EPHA7: variants seen among roughly 807,000 people sequenced by gnomAD.
EPHA7 encodes the protein ephrin type-A receptor 7.
Under a neutral mutation model 112.6 loss-of-function variants are expected in EPHA7, and 25 were observed. That is an observed-to-expected ratio of 0.22 (90% CI 0.16 to 0.31). EPHA7 has a LOEUF of 0.31. Ranked by LOEUF, EPHA7 falls within the 10% of genes least tolerant of loss-of-function variation. The pLI is 1.00. For missense variants in EPHA7, 962 were observed against 1,212.6 expected (o/e 0.79, Z 3.07); for synonymous variants, 437 against 406.5 (o/e 1.07, Z -0.90).
chr6:93,337,364 T>C (rs1411350003), intron 5 of EPHA7, among the ~76,000 whole-genome samples: 1 of 152,190 alleles, frequency 6.6e-6, no homozygotes, highest in African/African-American at 2.4e-5. Flanking sequence ...TCTATTTTTA[T>C]TCTCTGGAAT....
At position 93,395,522 on chromosome 6, in the gene EPHA7, T is replaced by C. The variant is rs1582662125; in HGVS notation, c.832+14979A>G. 1.3e-5 allele frequency among the ~76,000 whole-genome samples: 2 copies of C among 151,646 alleles called. 1 individual carries two copies. The highest frequency in any genetic ancestry group is 4.8e-5 in the African/African-American group (2 of 41,420). ...TGTCAAAATGGTAAAACTGTGGTTA[T>C]TGTGAAAGTCAACTAAAAATATAAA... On this transcript the variant is annotated intron_variant, in intron 3 of 16. Transcript: ENST00000369303.
At chr6:93,374,077 C>T (rs1362458108) in intron 3 of EPHA7, among the ~76,000 whole-genome samples, 4 of 152,064 alleles carry the variant, frequency 2.6e-5, no homozygotes, top group African/African-American at 9.7e-5. Flanking sequence ...TGAAGTCGCA[C>T]TAGAGGTATT....
At chr6:93,375,632 A>T (rs78313836) in intron 3 of EPHA7, among the ~76,000 whole-genome samples, 1 of 142,360 alleles carries the variant, frequency 7.0e-6, no homozygotes, top group Non-Finnish European at 1.5e-5. Flanking sequence ...AGCCTGAATT[A>T]AAAAAAAAAA....
intron 3 of EPHA7, among the ~76,000 whole-genome samples, chr6:93,398,319 G>C (rs966990476): frequency 6.6e-6 from 1 of 151,916 alleles, no homozygotes; most frequent in African/African-American, 2.4e-5. Flanking sequence ...TATTGATTGA[G>C]AGTGGTAATT....
chr6:93,360,289 T>C (rs1055766916), intron 3 of EPHA7, among the ~76,000 whole-genome samples: 3 of 99,976 alleles, frequency 3.0e-5, no homozygotes, highest in African/African-American at 4.1e-5. Context: ...AAAATATTCA[T>C]TGTATCTTGC....
chr6:93,369,562 C>A (rs1277219568), intron 3 of EPHA7, among the ~76,000 whole-genome samples: 2 of 152,124 alleles, frequency 1.3e-5, no homozygotes, highest in South Asian at 2.1e-4. Flanking sequence ...AAACGCTTTG[C>A]CTCCTCCATC....
At chr6:93,349,811 C>T (rs1320062499) in intron 5 of EPHA7, among the ~76,000 whole-genome samples, 1 of 151,570 alleles carries the variant, frequency 6.6e-6, no homozygotes, top group Non-Finnish European at 1.5e-5. Flanking sequence ...GATGTGTGTC[C>T]ATTAAATCAT....
At chr6:93,306,435 T>C (rs532654382) in intron 5 of EPHA7, among the ~76,000 whole-genome samples, 1 of 152,174 alleles carries the variant, frequency 6.6e-6, no homozygotes, top group Admixed American at 6.5e-5. Flanking sequence ...AAGCAAATAA[T>C]TTCTTTTGAA....
chr6:93,376,198 A>T (rs1777052173), intron 3 of EPHA7, among the ~76,000 whole-genome samples: 1 of 152,054 alleles, frequency 6.6e-6, no homozygotes, highest in Non-Finnish European at 1.5e-5. Flanking sequence ...GGAGAAGTGC[A>T]GTGGTATGAT....
intron 5 of EPHA7, among the ~76,000 whole-genome samples, chr6:93,280,512 C>T (rs1337746189): frequency 6.6e-6 from 1 of 152,178 alleles, no homozygotes; most frequent in African/African-American, 2.4e-5. Flanking sequence ...AGTGGCTACA[C>T]AATGTGTCAT....
At chr6:93,256,267 A>G (rs1036636877) in intron 12 of EPHA7, among the ~76,000 whole-genome samples, 9 of 152,172 alleles carry the variant, frequency 5.9e-5, no homozygotes, top group African/African-American at 2.2e-4. Flanking sequence ...ATATTTTAAA[A>G]TGAACTAATA....
intron 5 of EPHA7, among the ~76,000 whole-genome samples, chr6:93,342,874 A>C (rs9345351): frequency 0.22 from 34,024 of 151,616 alleles, 4,557 homozygotes; most frequent in East Asian, 0.59. Flanking sequence ...CTAACTAATG[A>C]ACACGTCTTT....
chr6:93,403,448 G>A (rs1157094050), intron 3 of EPHA7, among the ~76,000 whole-genome samples: 1 of 151,806 alleles, frequency 6.6e-6, no homozygotes, highest in Non-Finnish European at 1.5e-5. Flanking sequence ...AGCATGCAAT[G>A]ATTCCCCTAG....
chr6:93,291,656 T>A (rs1409035243), intron 5 of EPHA7, among the ~76,000 whole-genome samples: 3 of 144,456 alleles, frequency 2.1e-5, no homozygotes, highest in Non-Finnish European at 4.5e-5. Context: ...TAGTCCCAGC[T>A]ACTTGGGAGG....
chr6:93,259,205 T>C lies in EPHA7; in HGVS notation c.1924+149A>G, dbSNP rs879200661. 2.2e-5 allele frequency: 19 copies of C among 882,702 alleles called. No individual in the cohort carries two copies. The South Asian group carries it at 2.4e-4, about 11-fold the overall frequency. The allele number at this position is 882,702 out of a possible 1,614,324, so 54.7% of individuals were successfully genotyped here. On this transcript the variant is annotated intron_variant, in intron 10 of 16. Coordinates refer to ENST00000369303, the MANE Select transcript of EPHA7 (RefSeq NM_004440.4). ...TTTCACATTTTTTCATAAGATTTCA[T>C]AAACAAGTACAGCCTCACTGCTTCC...
chr6:93,270,186 T>G (rs975394027), intron 6 of EPHA7, among the ~76,000 whole-genome samples: 2 of 151,606 alleles, frequency 1.3e-5, no homozygotes, highest in African/African-American at 2.4e-5. Context: ...AAACCACTTC[T>G]GCAAAACAGT....
chr6:93,407,763 G>T (rs566053832), intron 3 of EPHA7, among the ~76,000 whole-genome samples: 4 of 151,888 alleles, frequency 2.6e-5, no homozygotes, highest in Non-Finnish European at 5.9e-5. Context: ...GGTATAGTTT[G>T]CAGGTAACAA....
At chr6:93,320,577 T>C (rs965712893) in intron 5 of EPHA7, among the ~76,000 whole-genome samples, 15 of 152,114 alleles carry the variant, frequency 9.9e-5, no homozygotes, top group African/African-American at 3.4e-4. Context: ...AAACAAGTTC[T>C]GTAGAAGTAT....
chr6:93,408,970 CTTTTTTTTCTT>C (rs147230506), intron 3 of EPHA7, among the ~76,000 whole-genome samples: 76,010 of 150,894 alleles, frequency 0.5, 19,436 homozygotes, highest in East Asian at 0.68. Context: ...ACATATGTTA[CTTTTTTTTCTT>C]TTTTTTTTCT....
Sources: gnomAD v4.1 joint callset for allele counts (sites outside exome capture counted in the v4.1 genomes callset) on GRCh38, gnomAD v4.1.1 for gene constraint, MANE v1.5 for transcripts, NCBI Gene and HGNC (gene_info 2026-07-23, HGNC 2026-07-21) for gene names.